The following PVT1 variants were observed in gnomAD, a reference collection of about 807,000 sequenced individuals.
PVT1 encodes CXCR4/PVT1 fusion.
intron 5 of PVT1, among the ~76,000 whole-genome samples, chr8:128,070,936 A>G (rs1813978546): frequency 6.6e-6 from 1 of 152,220 alleles, no homozygotes; most frequent in Non-Finnish European, 1.5e-5. Context: ...CAGCCAACAG[A>G]GTCTTCTACA....
At chr8:127,918,209 C>T (rs899333832) in intron 3 of PVT1, among the ~76,000 whole-genome samples, 2 of 152,122 alleles carry the variant, frequency 1.3e-5, no homozygotes, top group African/African-American at 2.4e-5. Context: ...GTGGAATGAC[C>T]CCTGAAGGCA....
intron 2 of PVT1, among the ~76,000 whole-genome samples, chr8:127,889,590 C>T (rs1280334930): frequency 1.3e-5 from 2 of 152,062 alleles, no homozygotes; most frequent in Non-Finnish European, 2.9e-5. Context: ...GGGTTTCATA[C>T]ATGCAGAAAG....
At chr8:127,809,457 G>A (rs1476971196) in intron 2 of PVT1, among the ~76,000 whole-genome samples, 1 of 152,198 alleles carries the variant, frequency 6.6e-6, no homozygotes. Context: ...ACCTCCCAAA[G>A]TGTTGGAATT....
chr8:127,815,403 A>T (rs777177344), intron 2 of PVT1, among the ~76,000 whole-genome samples: 2 of 152,226 alleles, frequency 1.3e-5, no homozygotes, highest in Admixed American at 6.5e-5. Context: ...TGTGAGGCAC[A>T]GACATTTTAA....
intron 3 of PVT1, among the ~76,000 whole-genome samples, chr8:127,897,891 G>C (rs796473100): frequency 1.9e-5 from 2 of 103,206 alleles, no homozygotes; most frequent in African/African-American, 1.2e-4. Flanking sequence ...AAGAAAGAAA[G>C]AAAGAAAGAA....
chr8:127,820,933 T>G (rs1445896657), intron 2 of PVT1, among the ~76,000 whole-genome samples: 1 of 152,118 alleles, frequency 6.6e-6, no homozygotes, highest in Non-Finnish European at 1.5e-5. Flanking sequence ...GGTCTTAAAG[T>G]CCTGGCCTCA....
At chr8:128,001,956 G>T (rs1817182313) in intron 4 of PVT1, among the ~76,000 whole-genome samples, 1 of 152,130 alleles carries the variant, frequency 6.6e-6, no homozygotes, top group South Asian at 2.1e-4. Context: ...TCACCTTGAG[G>T]GTTAGGATTT....
chr8:127,880,860 A>C (rs550736730), intron 2 of PVT1, among the ~76,000 whole-genome samples: 88 of 152,272 alleles, frequency 5.8e-4, no homozygotes, highest in Admixed American at 3.0e-3. Context: ...CAGCCTCCCA[A>C]CGTGCTGGGA....
At chr8:127,911,343 C>T (rs962639147) in intron 3 of PVT1, among the ~76,000 whole-genome samples, 2 of 152,190 alleles carry the variant, frequency 1.3e-5, no homozygotes, top group Admixed American at 6.5e-5. Context: ...CTGAAGATAC[C>T]GCAAGGGGAG....
chr8:127,935,164 C>T (rs946814652), intron 3 of PVT1, among the ~76,000 whole-genome samples: 1 of 152,104 alleles, frequency 6.6e-6, no homozygotes, highest in Non-Finnish European at 1.5e-5. Flanking sequence ...CGGGGTTTCT[C>T]CATGTTGGTC....
chr8:128,077,983 C>CAG (rs1226413845), intron 5 of PVT1, among the ~76,000 whole-genome samples: 1 of 152,174 alleles, frequency 6.6e-6, no homozygotes, highest in African/African-American at 2.4e-5. Context: ...CTAGAATGGG[C>CAG]AGAGAGGGGT....
At chr8:128,073,522 C>T (rs979010767) in intron 5 of PVT1, among the ~76,000 whole-genome samples, 1 of 152,066 alleles carries the variant, frequency 6.6e-6, no homozygotes, top group Non-Finnish European at 1.5e-5. Context: ...AATTTTTCGG[C>T]GTGGGGCTGA....
intron 3 of PVT1, among the ~76,000 whole-genome samples, chr8:127,979,796 T>G (rs970979834): frequency 6.6e-6 from 1 of 152,208 alleles, no homozygotes; most frequent in African/African-American, 2.4e-5. Context: ...AGAGGGCTGA[T>G]AGCTGATGGT....
rs185486164 is a variant in PVT1, at chr8:127,841,273, T to C, written n.372+45202T>C. On this transcript the variant is annotated intron_variant and non_coding_transcript_variant, in intron 2 of 10. Coordinates refer to ENST00000651587, the Ensembl canonical transcript of PVT1. ...GGTACTATTAGCCCCATTTATTTTA[T>C]TTTATTTTTTTATTTTTCTTGAGAC... 1.7e-3 allele frequency among the ~76,000 whole-genome samples: 258 copies of C among 152,278 alleles called. 1 individual carries two copies. The highest frequency in any genetic ancestry group is 6.8e-3 in the Middle Eastern group (2 of 294).
chr8:127,839,406 C>T (rs932520516), intron 2 of PVT1, among the ~76,000 whole-genome samples: 1 of 151,536 alleles, frequency 6.6e-6, no homozygotes, highest in Non-Finnish European at 1.5e-5. Flanking sequence ...AAAAATTAGC[C>T]GGGCATGGTG....
intron 5 of PVT1, among the ~76,000 whole-genome samples, chr8:128,080,063 C>T (rs554378920): frequency 6.6e-5 from 10 of 152,280 alleles, no homozygotes; most frequent in Non-Finnish European, 1.2e-4. Flanking sequence ...CATAGCTTAA[C>T]ACCTCATTCG....
intron 4 of PVT1, among the ~76,000 whole-genome samples, chr8:127,990,260 G>A (rs535864795): frequency 6.6e-6 from 1 of 152,270 alleles, no homozygotes; most frequent in Admixed American, 6.5e-5. Context: ...CATGGCTACT[G>A]CACTGGGTTG....
intron 3 of PVT1, among the ~76,000 whole-genome samples, chr8:127,904,363 C>CCAGGAGAGAGGATGCATGTTGGTAT (rs1815794757): frequency 2.0e-5 from 3 of 152,126 alleles, no homozygotes; most frequent in Admixed American, 1.3e-4. Flanking sequence ...CAGGTTGGTA[C>CCAGGAGAGAGGATGCATGTTGGTAT]CAATGCTGAA....
intron 2 of PVT1, among the ~76,000 whole-genome samples, chr8:127,861,549 G>A (rs775100705): frequency 5.8e-5 from 8 of 138,098 alleles, no homozygotes; most frequent in Non-Finnish European, 1.3e-4. Context: ...AGATGGTTTT[G>A]TTTTTGACAT....
Sources: gnomAD v4.1 joint callset for allele counts (sites outside exome capture counted in the v4.1 genomes callset) on GRCh38, gnomAD v4.1.1 for gene constraint, MANE v1.5 for transcripts, NCBI Gene and HGNC (gene_info 2026-07-23, HGNC 2026-07-21) for gene names.